The following SNTG1 variants were observed in gnomAD, a reference collection of about 807,000 sequenced individuals.
SNTG1 encodes gamma-1-syntrophin.
In SNTG1, 39 loss-of-function variants were observed where a neutral mutation model predicts 74.7. That is an observed-to-expected ratio of 0.52 (90% CI 0.40 to 0.68). The LOEUF (loss-of-function observed/expected upper bound fraction) is 0.68. Ranked by LOEUF, SNTG1 falls within the 30% of genes least tolerant of loss-of-function variation. SNTG1 has a pLI of 0.00. For synonymous variants in SNTG1, 254 were observed against 217.1 expected, an observed-to-expected ratio of 1.17 and a Z score of -1.49; for missense variants, 685 against 609.5, an observed-to-expected ratio of 1.12 and a Z score of -1.30.
At chr8:49,979,010 G>T (rs1213761375) in intron 1 of SNTG1, among the ~76,000 whole-genome samples, 4 of 152,204 alleles carry the variant, frequency 2.6e-5, no homozygotes, top group Non-Finnish European at 5.9e-5. Flanking sequence ...AAGCTTGGGA[G>T]AATTGACACC....
chr8:50,361,434 G>A (rs1426429445), intron 2 of SNTG1, among the ~76,000 whole-genome samples: 1 of 152,142 alleles, frequency 6.6e-6, no homozygotes, highest in African/African-American at 2.4e-5. Flanking sequence ...TTATAAACAG[G>A]TAAAGCATCA....
intron 2 of SNTG1, among the ~76,000 whole-genome samples, chr8:50,224,684 A>G (rs55827968): frequency 0.11 from 17,291 of 152,160 alleles, 2,769 homozygotes; most frequent in African/African-American, 0.36. Flanking sequence ...ATGGGAATGG[A>G]TGGTTGAACA....
chr8:50,219,037 AG>A (rs1410211398), intron 2 of SNTG1, among the ~76,000 whole-genome samples: 1 of 152,226 alleles, frequency 6.6e-6, no homozygotes, highest in African/African-American at 2.4e-5. Flanking sequence ...AATTTCCAAA[AG>A]GTGATTTTCT....
chr8:50,625,362 A>C (rs2094949623), intron 13 of SNTG1, among the ~76,000 whole-genome samples: 2 of 152,200 alleles, frequency 1.3e-5, no homozygotes, highest in Non-Finnish European at 1.5e-5. Flanking sequence ...CACTGTATTT[A>C]ATGAACGTTG....
intron 6 of SNTG1, 125 bp downstream of exon 6, chr8:50,449,850 C>A: frequency 1.2e-6 from 1 of 803,818 alleles, no homozygotes; most frequent in Non-Finnish European, 1.8e-6. Context: ...CACCTTCAGG[C>A]ATTAGTGGCT....
intron 2 of SNTG1, among the ~76,000 whole-genome samples, chr8:50,179,037 T>A (rs1233093604): frequency 6.6e-6 from 1 of 152,212 alleles, no homozygotes; most frequent in Non-Finnish European, 1.5e-5. Flanking sequence ...GAGTCCAGTT[T>A]CACTCTTTTG....
chr8:49,981,665 T>G (rs1046499012), intron 1 of SNTG1, among the ~76,000 whole-genome samples: 1 of 152,202 alleles, frequency 6.6e-6, no homozygotes, highest in Non-Finnish European at 1.5e-5. Flanking sequence ...TAAAAGTGAA[T>G]CATTTTATCA....
intron 1 of SNTG1, among the ~76,000 whole-genome samples, chr8:49,990,832 T>C (rs1266924550): frequency 4.6e-5 from 7 of 152,140 alleles, no homozygotes; most frequent in Admixed American, 3.3e-4. Context: ...AAACTACAAA[T>C]ATTATTCTTA....
intron 1 of SNTG1, among the ~76,000 whole-genome samples, chr8:49,936,515 T>C (rs1325929229): frequency 6.6e-6 from 1 of 152,162 alleles, no homozygotes; most frequent in African/African-American, 2.4e-5. Context: ...ATCAAGTACT[T>C]TTGAGAATGA....
chr8:50,461,077 A>G (rs896582176), intron 8 of SNTG1, among the ~76,000 whole-genome samples: 11 of 149,078 alleles, frequency 7.4e-5, no homozygotes, highest in African/African-American at 2.7e-4. Context: ...CCTTGCTTTT[A>G]ATTTTTTGAT....
intron 1 of SNTG1, among the ~76,000 whole-genome samples, chr8:50,021,633 A>G (rs2130677605): frequency 6.6e-6 from 1 of 152,220 alleles, no homozygotes; most frequent in Non-Finnish European, 1.5e-5. Flanking sequence ...CTTATCAAGC[A>G]TCTTCTGCTG....
chr8:49,936,626 T>C (rs892248212), intron 1 of SNTG1, among the ~76,000 whole-genome samples: 1 of 152,202 alleles, frequency 6.6e-6, no homozygotes, highest in Non-Finnish European at 1.5e-5. Flanking sequence ...TGTGTCACTA[T>C]TATGTAAAAT....
At chr8:49,957,805 A>T (rs944386631) in intron 1 of SNTG1, among the ~76,000 whole-genome samples, 8 of 150,368 alleles carry the variant, frequency 5.3e-5, no homozygotes, top group African/African-American at 1.5e-4. Context: ...CTCCACACAA[A>T]TTTTTTTTTT....
intron 2 of SNTG1, among the ~76,000 whole-genome samples, chr8:50,321,771 C>T (rs2090540942): frequency 1.3e-5 from 2 of 152,214 alleles, no homozygotes; most frequent in Non-Finnish European, 1.5e-5. Flanking sequence ...GCCAGCTTAA[C>T]AGTGATTGTG....
chr8:49,921,172 A>G (rs1036868381), intron 1 of SNTG1, among the ~76,000 whole-genome samples: 1 of 152,098 alleles, frequency 6.6e-6, no homozygotes, highest in Admixed American at 6.6e-5. Flanking sequence ...TAAAAGAAAA[A>G]CAATTGTTTA....
intron 1 of SNTG1, among the ~76,000 whole-genome samples, chr8:49,970,999 A>T (rs1811614132): frequency 6.6e-6 from 1 of 152,158 alleles, no homozygotes; most frequent in African/African-American, 2.4e-5. Flanking sequence ...AAAAGAGGGA[A>T]TCCTCCCTAA....
At chr8:49,993,249 G>A (rs1168330343) in intron 1 of SNTG1, among the ~76,000 whole-genome samples, 2 of 152,114 alleles carry the variant, frequency 1.3e-5, no homozygotes, top group East Asian at 1.9e-4. Flanking sequence ...AAAGCGGGAG[G>A]GGGGCACTTT....
At chr8:50,297,565 T>C (rs973238942) in intron 2 of SNTG1, among the ~76,000 whole-genome samples, 4 of 152,096 alleles carry the variant, frequency 2.6e-5, no homozygotes, top group African/African-American at 9.7e-5. Flanking sequence ...ACACAAGCAA[T>C]GTGATACTTC....
intron 1 of SNTG1, among the ~76,000 whole-genome samples, chr8:49,942,631 T>A (rs987874305): frequency 2.0e-5 from 3 of 152,210 alleles, no homozygotes; most frequent in African/African-American, 4.8e-5. Context: ...AGACTTCTTT[T>A]ATTTTCGGTG....
Sources: allele counts gnomAD v4.1 joint callset (sites outside exome capture counted in the v4.1 genomes callset), GRCh38; gene constraint gnomAD v4.1.1; transcripts MANE v1.5; gene names NCBI Gene and HGNC (gene_info 2026-07-23, HGNC 2026-07-21).